Variants in NCKAP5 observed in about 807,000 individuals in gnomAD.
The protein encoded by NCKAP5 is nck-associated protein 5.
NCKAP5 carries 92 observed loss-of-function variants against 167.0 expected under a neutral mutation model. The ratio of observed to expected loss-of-function variants is 0.55; its 90% CI spans 0.47 to 0.66. The LOEUF (loss-of-function observed/expected upper bound fraction) is 0.66. Ranked by LOEUF, NCKAP5 falls within the 30% of genes least tolerant of loss-of-function variation. The pLI is 0.00. For missense variants in NCKAP5, 2,378 were observed against 2,315.0 expected, an observed-to-expected ratio of 1.03 and a Z score of -0.56; for synonymous variants, 891 against 877.4, an observed-to-expected ratio of 1.02 and a Z score of -0.27.
chr2:133,376,192 T>A (rs1285227213), intron 3 of NCKAP5, among the ~76,000 whole-genome samples: 2 of 152,228 alleles, frequency 1.3e-5, no homozygotes, highest in Admixed American at 1.3e-4. Flanking sequence ...ATGATGGCTG[T>A]CATCTCAAAT....
intron 7 of NCKAP5, among the ~76,000 whole-genome samples, chr2:132,981,479 A>G (rs983826650): frequency 2.0e-5 from 3 of 152,090 alleles, no homozygotes; most frequent in African/African-American, 7.2e-5. Context: ...AAGCCCTAAA[A>G]TGAGGGTTAT....
At chr2:132,730,781 C>T (rs1690922251) in intron 17 of NCKAP5, among the ~76,000 whole-genome samples, 1 of 152,150 alleles carries the variant, frequency 6.6e-6, no homozygotes, top group Admixed American at 6.5e-5. Flanking sequence ...ACATTTATCT[C>T]AAAAATAATA....
chr2:132,799,322 G>A (rs1684849978), intron 11 of NCKAP5, among the ~76,000 whole-genome samples: 1 of 151,872 alleles, frequency 6.6e-6, no homozygotes, highest in Non-Finnish European at 1.5e-5. Flanking sequence ...CTCGGTGATG[G>A]GACCTGCATC....
chr2:133,305,283 T>C (rs1680698459), intron 3 of NCKAP5, among the ~76,000 whole-genome samples: 1 of 152,164 alleles, frequency 6.6e-6, no homozygotes, highest in African/African-American at 2.4e-5. Context: ...GAGACTGAGG[T>C]TCAAATCCTG....
chr2:133,186,062 G>T (rs2084932742), intron 5 of NCKAP5, among the ~76,000 whole-genome samples: 1 of 152,058 alleles, frequency 6.6e-6, no homozygotes, highest in African/African-American at 2.4e-5. Flanking sequence ...AATGCATCCA[G>T]CTCTTGCTTG....
intron 1 of NCKAP5, among the ~76,000 whole-genome samples, chr2:133,559,610 C>T (rs1435056275): frequency 6.6e-6 from 1 of 152,196 alleles, no homozygotes; most frequent in African/African-American, 2.4e-5. Context: ...GTGAGCCCCT[C>T]ACCCAGCTAC....
intron 4 of NCKAP5, among the ~76,000 whole-genome samples, chr2:133,224,788 G>A (rs190913814): frequency 1.6e-4 from 24 of 152,104 alleles, no homozygotes; most frequent in East Asian, 3.9e-4. Context: ...GCAAAAATTC[G>A]CCTAATTTTA....
chr2:133,076,414 G>A (rs1371213750), intron 6 of NCKAP5, among the ~76,000 whole-genome samples: 3 of 152,050 alleles, frequency 2.0e-5, no homozygotes, highest in African/African-American at 4.8e-5. Flanking sequence ...ATAATCCAAA[G>A]CATGAACTTT....
At chr2:133,255,492 G>T (rs778553468) in intron 4 of NCKAP5, among the ~76,000 whole-genome samples, 2 of 151,836 alleles carry the variant, frequency 1.3e-5, no homozygotes, top group African/African-American at 2.4e-5. Flanking sequence ...TTCCTTGGGG[G>T]GAGGGGTGTA....
At chr2:133,624,787 G>A in the NCKAP5 span, among the ~76,000 whole-genome samples, 1 of 152,144 alleles carries the variant, frequency 6.6e-6, no homozygotes, top group Admixed American at 6.6e-5. Context: ...GCATGTGTCA[G>A]CACATGTTAC....
At chr2:133,182,275 C>T (rs1425264162) in intron 5 of NCKAP5, among the ~76,000 whole-genome samples, 3 of 152,148 alleles carry the variant, frequency 2.0e-5, no homozygotes, top group African/African-American at 7.2e-5. Flanking sequence ...ATGGAACAGT[C>T]TACCCAATGT....
intron 7 of NCKAP5, among the ~76,000 whole-genome samples, chr2:132,990,108 A>G (rs2077408318): frequency 6.6e-6 from 1 of 152,186 alleles, no homozygotes; most frequent in Non-Finnish European, 1.5e-5. Context: ...GGAACTCATG[A>G]GGAAGCTCAT....
chr2:132,784,758 G>T lies in NCKAP5; in HGVS notation c.2053C>A (p.Gln685Lys), dbSNP rs1220771550. The T allele has an allele frequency of 1.2e-6, 2 of 1,613,148 alleles. No homozygotes were observed. The highest frequency in any genetic ancestry group is 1.1e-5 in the South Asian group (1 of 90,898). The change falls in exon 14 of 20, where the codon CAG becomes AAG. Residue 685 changes from glutamine (Q) to lysine (K), a missense_variant. Physicochemically the swap from Gln to Lys is moderately conservative, Grantham distance 53. This residue lies in a region of NCKAP5 where 1,049 missense variants were observed against 1,023.4 expected (regional missense o/e 1.02). Coordinates refer to ENST00000409261, the MANE Select transcript of NCKAP5 (RefSeq NM_207363.3). Reference sequence around the variant, plus strand: ...CTGGTAACAGTGACAACCCCAGTCTGGTGAGAGCTGAATTCAATGGGCTCA... The same window carrying T: ...CTGGTAACAGTGACAACCCCAGTCTTGTGAGAGCTGAATTCAATGGGCTCA... ...DGEPIEFSSH[Q>K]TGVVTVTRNE...
chr2:133,262,643 G>C (rs907021513), intron 4 of NCKAP5, among the ~76,000 whole-genome samples: 1 of 152,134 alleles, frequency 6.6e-6, no homozygotes, highest in African/African-American at 2.4e-5. Flanking sequence ...AATCCCCGTC[G>C]GGGCAACAGC....
intron 4 of NCKAP5, among the ~76,000 whole-genome samples, chr2:133,223,693 T>C (rs1242266588): frequency 6.6e-6 from 1 of 152,164 alleles, no homozygotes; most frequent in Non-Finnish European, 1.5e-5. Flanking sequence ...TCACTCTGAT[T>C]ATATGCTTTA....
chr2:132,719,257 A>T (rs995744816), intron 19 of NCKAP5, among the ~76,000 whole-genome samples: 9 of 151,614 alleles, frequency 5.9e-5, no homozygotes, highest in South Asian at 2.1e-4. Flanking sequence ...GATTGGATTT[A>T]AAAAAAAAAT....
intron 6 of NCKAP5, among the ~76,000 whole-genome samples, chr2:133,111,429 T>C (rs1270889102): frequency 1.3e-5 from 2 of 152,104 alleles, no homozygotes; most frequent in Non-Finnish European, 2.9e-5. Context: ...CCAGAACCAA[T>C]GGAGAGATAC....
intron 11 of NCKAP5, among the ~76,000 whole-genome samples, chr2:132,839,138 A>T (rs1688111113): frequency 6.6e-6 from 1 of 152,120 alleles, no homozygotes; most frequent in Admixed American, 6.5e-5. Flanking sequence ...CTGCCCCGTA[A>T]AATCTATTGT....
intron 3 of NCKAP5, among the ~76,000 whole-genome samples, chr2:133,414,021 C>T (rs558776425): frequency 5.9e-5 from 9 of 152,232 alleles, no homozygotes; most frequent in Admixed American, 1.3e-4. Context: ...GCCCTTGGGG[C>T]CTTGCACATA....
Sources: gnomAD v4.1 joint callset for allele counts (sites outside exome capture counted in the v4.1 genomes callset) on GRCh38, gnomAD v4.1.1 for gene constraint, gnomAD v4.1.1 regional missense constraint, MANE v1.5 for transcripts, NCBI Gene and HGNC (gene_info 2026-07-23, HGNC 2026-07-21) for gene names.